The following ACSL5 variants were observed in gnomAD, a reference collection of about 807,000 sequenced individuals.
The protein encoded by ACSL5 is long-chain-fatty-acid--CoA ligase 5.
A neutral mutation model predicts 84.9 loss-of-function variants in ACSL5; 50 were observed. The observed-to-expected ratio is 0.59, with a 90% CI of 0.47 to 0.75. The LOEUF is 0.75. Ranked by LOEUF, ACSL5 falls within the 30% of genes least tolerant of loss-of-function variation. ACSL5 has a pLI of 0.00. For missense variants in ACSL5, 775 were observed against 830.4 expected, an observed-to-expected ratio of 0.93 and a Z score of 0.82; for synonymous variants, 280 against 300.7, an observed-to-expected ratio of 0.93 and a Z score of 0.71.
At position 112,425,321 on chromosome 10, in the gene ACSL5, T is replaced by C. The variant is rs1455246421; in HGVS notation, c.1594-17T>C. 2 of 1,591,280 alleles carry C rather than the reference T, an allele frequency of 1.3e-6. No individual in the cohort carries two copies. Among genetic ancestry groups the C allele is most frequent in the East Asian group, 2.3e-5 (1 of 43,476 alleles). On this transcript the variant is annotated splice_polypyrimidine_tract_variant and intron_variant, in intron 17 of 20. Coordinates refer to ENST00000354655, the MANE Select transcript of ACSL5 (RefSeq NM_203379.2). ...CTGTGGCTCAAAAATACTGATACTT[T>C]TATCTGTCTCATGTAGAATGGAACT...
At chr10:112,384,320 A>G (rs1849408192) in intron 1 of ACSL5, among the ~76,000 whole-genome samples, 2 of 152,122 alleles carry the variant, frequency 1.3e-5, no homozygotes, top group African/African-American at 4.8e-5. Context: ...AAACTCCCCA[A>G]TATAATGCAA....
rs57261585 is a variant in ACSL5 at position 112,419,102 on chromosome 10, CTGTG to C, written c.1314+1187_1314+1190del. ...GGTCAAAGTAATACACACAATGTAT[CTGTG>C]TGTGTGTGTGTGTGTGTGTGTGTGT... On this transcript the variant is annotated intron_variant, in intron 14 of 20. Coordinates refer to ENST00000354655, the MANE Select transcript of ACSL5 (RefSeq NM_203379.2). Among the ~76,000 whole-genome samples the C allele has an allele frequency of 5.8e-3, 844 of 146,300 alleles. 9 individuals are homozygous for C. Among genetic ancestry groups the C allele is most frequent in the African/African-American group, 0.015 (567 of 38,928 alleles).
At chr10:112,413,926 C>G (rs995802884) in intron 12 of ACSL5, among the ~76,000 whole-genome samples, 2 of 152,048 alleles carry the variant, frequency 1.3e-5, no homozygotes, top group Non-Finnish European at 2.9e-5. Flanking sequence ...GATGCATCCT[C>G]TCATTGAATC....
chr10:112,412,089 G>C, intron 11 of ACSL5, 110 bp downstream of exon 11: 1 of 1,165,956 alleles, frequency 8.6e-7, no homozygotes, highest in South Asian at 1.3e-5. Context: ...TCCGGTGTGA[G>C]AGGTGCAGGC....
At chr10:112,403,577 C>T (rs754593325) in intron 3 of ACSL5, among the ~76,000 whole-genome samples, 1 of 152,214 alleles carries the variant, frequency 6.6e-6, no homozygotes, top group Non-Finnish European at 1.5e-5. Flanking sequence ...TGAGCCACTG[C>T]GCCCAGCCTT....
chr10:112,393,992 T>G (rs977153557), intron 1 of ACSL5, among the ~76,000 whole-genome samples: 1 of 152,176 alleles, frequency 6.6e-6, no homozygotes, highest in Non-Finnish European at 1.5e-5. Flanking sequence ...TGCTATTATA[T>G]TCTCCTAATC....
rs2133695410 is a variant in ACSL5, at chr10:112,426,850, T to C, written c.1902T>C (p.Thr634=). ...TTGGGAAAGAAAGTGGCCTTAAAAC[T>C]TTTGAACAGGTGTGTGCTACCACTG... is the stretch of plus-strand genomic sequence containing the variant. ...QKIGKESGLK[T]FEQVKAIFLH... Residue 634 remains threonine (T), a synonymous_variant, in exon 20 of 21, where the codon ACT becomes ACC. Coordinates refer to ENST00000354655, the MANE Select transcript of ACSL5 (RefSeq NM_203379.2). 6.2e-7 allele frequency: 1 copy of C among 1,613,460 alleles called. No homozygotes were observed. Among genetic ancestry groups the C allele is most frequent in the Non-Finnish European group, 8.5e-7 (1 of 1,179,400 alleles).
chr10:112,421,740 T>G (rs573226322), intron 15 of ACSL5, 75 bp downstream of exon 15: 1 of 1,477,994 alleles, frequency 6.8e-7, no homozygotes, highest in East Asian at 2.3e-5. Flanking sequence ...ACTTTGGAGT[T>G]TAGATAACTT....
In ACSL5 at chr10:112,409,488, G is replaced by A; in HGVS notation, c.533-19G>A. 6.2e-7 allele frequency: 1 copy of A among 1,611,462 alleles called. No homozygotes were observed. The highest frequency in any genetic ancestry group is 1.1e-5 in the South Asian group (1 of 90,924). ...TAGCAGAGAGAGGGAATGACCTCTG[G>A]TTCTATTTTGGCTTCCAGCTGATAT... On this transcript the variant is annotated intron_variant, in intron 6 of 20. Coordinates refer to ENST00000354655, the MANE Select transcript of ACSL5 (RefSeq NM_203379.2).
chr10:112,395,931 A>G (rs1843738863), intron 2 of ACSL5: 1 of 152,288 alleles, frequency 6.6e-6, no homozygotes, highest in Non-Finnish European at 1.5e-5. Context: ...CTGCATGTTC[A>G]ATGTCTTCAC....
intron 6 of ACSL5, chr10:112,409,216 G>C (rs1052121505): frequency 7.0e-5 from 23 of 326,930 alleles, no homozygotes; most frequent in Non-Finnish European, 1.2e-4. Context: ...CCACACCTCA[G>C]TAACCTGTTT....
At chr10:112,379,175 C>T (rs1258017575) in intron 1 of ACSL5, among the ~76,000 whole-genome samples, 1 of 152,190 alleles carries the variant, frequency 6.6e-6, no homozygotes, top group East Asian at 1.9e-4. Context: ...GAGGCCGAGG[C>T]AGGCAGATCA....
intron 5 of ACSL5, among the ~76,000 whole-genome samples, chr10:112,408,212 T>A (rs1452552150): frequency 6.6e-6 from 1 of 151,328 alleles, no homozygotes; most frequent in Non-Finnish European, 1.5e-5. Flanking sequence ...GGTGGGAGGA[T>A]TGCTTGATCC....
intron 1 of ACSL5, among the ~76,000 whole-genome samples, chr10:112,386,864 G>A (rs1849464475): frequency 6.6e-6 from 1 of 152,070 alleles, no homozygotes; most frequent in South Asian, 2.1e-4. Context: ...ATAAAATATA[G>A]GAAAGCTATT....
chr10:112,424,275 A>G (rs976435343), intron 17 of ACSL5, among the ~76,000 whole-genome samples: 1 of 152,252 alleles, frequency 6.6e-6, no homozygotes, highest in South Asian at 2.1e-4. Flanking sequence ...GGATTTCCCA[A>G]AAGATCTTCC....
chr10:112,419,482 T>C lies in ACSL5; in HGVS notation c.1314+1541T>C, dbSNP rs1163504936. On this transcript the variant is annotated intron_variant, in intron 14 of 20. Coordinates refer to ENST00000354655, the MANE Select transcript of ACSL5 (RefSeq NM_203379.2). ...TTTGAAATGCTTGGGACTAAAAGTG[T>C]TTTGAATTTTGCATTTTTTTCCAAT... The C allele has an allele frequency of 5.3e-5, 8 of 152,290 alleles. No individual in the cohort carries two copies. The East Asian group carries it at 1.5e-3, about 29-fold the overall frequency. 9.4% of individuals were successfully genotyped at this position (152,290 alleles called of 1,614,324 possible). A position where few individuals can be genotyped will look rare whatever the true frequency, so the allele number is the denominator to read the frequency against.
chr10:112,414,225 T>G (rs1350434490), intron 12 of ACSL5, among the ~76,000 whole-genome samples: 1 of 152,208 alleles, frequency 6.6e-6, no homozygotes, highest in African/African-American at 2.4e-5. Context: ...TATTTGATTC[T>G]TTTTATTTAT....
At chr10:112,418,506 C>T (rs1000134499) in intron 14 of ACSL5, among the ~76,000 whole-genome samples, 6 of 152,042 alleles carry the variant, frequency 3.9e-5, no homozygotes, top group East Asian at 3.9e-4. Flanking sequence ...GGCGTGAACC[C>T]GGCAGGTGGA....
intron 3 of ACSL5, among the ~76,000 whole-genome samples, chr10:112,400,621 C>G (rs1341656498): frequency 1.3e-5 from 2 of 151,952 alleles, no homozygotes; most frequent in Non-Finnish European, 2.9e-5. Context: ...CTTGGCCAGG[C>G]TGGTCCTAAA....
Sources: gnomAD v4.1 joint callset for allele counts (sites outside exome capture counted in the v4.1 genomes callset) on GRCh38, gnomAD v4.1.1 for gene constraint, MANE v1.5 for transcripts, NCBI Gene and HGNC (gene_info 2026-07-23, HGNC 2026-07-21) for gene names.